SLC12A6: variants seen among roughly 807,000 people sequenced by gnomAD.
SLC12A6 encodes the protein K-Cl cotransporter 3.
A neutral mutation model predicts 135.3 loss-of-function variants in SLC12A6; 66 were observed. The ratio of observed to expected loss-of-function variants is 0.49; its 90% CI spans 0.40 to 0.60. The LOEUF (loss-of-function observed/expected upper bound fraction) is 0.60, where lower values mean the gene tolerates loss of function less well. SLC12A6 is among the 20% of genes least tolerant of loss of function. SLC12A6 has a pLI of 0.00. For missense variants in SLC12A6, 1,058 were observed against 1,452.3 expected, an observed-to-expected ratio of 0.73 and a Z score of 4.41; for synonymous variants, 513 against 508.8, an observed-to-expected ratio of 1.01 and a Z score of -0.11.
intron 2 of SLC12A6, among the ~76,000 whole-genome samples, chr15:34,332,950 A>G (rs559681615): frequency 6.6e-6 from 1 of 152,306 alleles, no homozygotes; most frequent in East Asian, 1.9e-4. Context: ...CCTGAACTTC[A>G]GTCTTGGCTT....
At chr15:34,308,442 T>C (rs889609160) in intron 2 of SLC12A6, among the ~76,000 whole-genome samples, 6 of 151,902 alleles carry the variant, frequency 3.9e-5, no homozygotes, top group African/African-American at 1.5e-4. Flanking sequence ...CTGGCCAACA[T>C]GGTGAAACCC....
At chr15:34,300,241 A>G (rs1324980421) in intron 2 of SLC12A6, among the ~76,000 whole-genome samples, 1 of 152,174 alleles carries the variant, frequency 6.6e-6, no homozygotes, top group African/African-American at 2.4e-5. Flanking sequence ...ACTTATGAAG[A>G]AGAATATTAG....
At chr15:34,240,008 G>T (rs528453822) in intron 19 of SLC12A6, among the ~76,000 whole-genome samples, 1 of 151,810 alleles carries the variant, frequency 6.6e-6, no homozygotes, top group South Asian at 2.1e-4. Flanking sequence ...GTGCAGGTTT[G>T]TTACATATGT....
chr15:34,256,097 G>C lies in SLC12A6; in HGVS notation c.745+132C>G. The stretch of plus-strand genomic sequence containing the variant: ...AGTAGTATTATGTCTACGTCCTATA[G>C]ACCATTACTCTGTTGTAGCACAGAA... On this transcript the variant is annotated intron_variant, in intron 7 of 25. Transcript: ENST00000354181. 2.8e-5 allele frequency: 20 copies of C among 718,194 alleles called. No homozygotes were observed. The South Asian group carries it at 2.9e-4, about 11-fold the overall frequency. 44.5% of individuals were successfully genotyped at this position (718,194 alleles called of 1,614,324 possible). A position where few individuals can be genotyped will look rare whatever the true frequency, so the allele number is the denominator to read the frequency against.
chr15:34,310,843 C>G (rs1450683186), intron 2 of SLC12A6, among the ~76,000 whole-genome samples: 1 of 148,816 alleles, frequency 6.7e-6, no homozygotes, highest in Non-Finnish European at 1.5e-5. Context: ...TGGTGTTGAA[C>G]TCCTGGGCTC....
At chr15:34,298,858 T>C (rs1309323392) in intron 2 of SLC12A6, among the ~76,000 whole-genome samples, 8 of 152,192 alleles carry the variant, frequency 5.3e-5, no homozygotes, top group African/African-American at 1.2e-4. Flanking sequence ...CTCATCCTTT[T>C]CAGCTTAGAC....
chr15:34,295,730 G>A (rs1296655011), intron 2 of SLC12A6, among the ~76,000 whole-genome samples: 1 of 152,160 alleles, frequency 6.6e-6, no homozygotes, highest in Non-Finnish European at 1.5e-5. Flanking sequence ...TGGGTGCGGT[G>A]GCTCACACCT....
At chr15:34,245,989 G>A (rs1053711173) in intron 13 of SLC12A6, 122 bp from the exon 14 acceptor site, 2 of 782,862 alleles carry the variant, frequency 2.6e-6, no homozygotes, top group Non-Finnish European at 4.4e-6. Flanking sequence ...CTAGAGTGCA[G>A]TGGTGTGATC....
chr15:34,275,694 A>G (rs949275884), intron 2 of SLC12A6, among the ~76,000 whole-genome samples: 1 of 152,194 alleles, frequency 6.6e-6, no homozygotes, highest in South Asian at 2.1e-4. Context: ...CACAATAGCC[A>G]AAAGGTTACC....
At chr15:34,300,563 G>C (rs1401860178) in intron 2 of SLC12A6, among the ~76,000 whole-genome samples, 2 of 152,086 alleles carry the variant, frequency 1.3e-5, no homozygotes, top group African/African-American at 4.8e-5. Context: ...TTGGGAGGCT[G>C]AGGCAAGAGG....
intron 2 of SLC12A6, among the ~76,000 whole-genome samples, chr15:34,296,298 T>C (rs1895875389): frequency 6.6e-6 from 1 of 151,996 alleles, no homozygotes; most frequent in East Asian, 1.9e-4. Context: ...AACTTACACA[T>C]AGTAACATTT....
intron 7 of SLC12A6, 25 bp from the exon 8 acceptor site, chr15:34,255,417 T>C (rs373662082): frequency 1.9e-5 from 30 of 1,565,884 alleles, no homozygotes; most frequent in Non-Finnish European, 2.4e-5. Context: ...AGAAGGTGAA[T>C]AGAAGAAAGA....
chr15:34,255,530 A>G, intron 7 of SLC12A6, 138 bp from the exon 8 acceptor site: 1 of 671,152 alleles, frequency 1.5e-6, no homozygotes, highest in Non-Finnish European at 2.6e-6. Flanking sequence ...TGTGATAAAA[A>G]GATGTGCTAG....
chr15:34,254,319 G>A (rs779395618), intron 9 of SLC12A6, 29 bp downstream of exon 9: 16 of 1,601,482 alleles, frequency 1.0e-5, no homozygotes, highest in Non-Finnish European at 1.4e-5. Context: ...ACCCAATAAG[G>A]ATGGCTAGGC....
At chr15:34,317,541 A>G (rs1888736554) in intron 2 of SLC12A6, among the ~76,000 whole-genome samples, 1 of 152,056 alleles carries the variant, frequency 6.6e-6, no homozygotes, top group Admixed American at 6.6e-5. Context: ...TGTCTCTACT[A>G]AAAATACAAA....
chr15:34,241,268 T>TCGAAG lies in SLC12A6; in HGVS notation c.2227_2231dup (p.Leu745PhefsTer21). On this transcript the variant is annotated frameshift_variant, in exon 18 of 26. Coordinates refer to ENST00000354181, the MANE Select transcript of SLC12A6 (RefSeq NM_001365088.1). LOFTEE classifies it high-confidence loss of function. ...TAGTGTGTGGAGGTCCTTCCTCCAATCGAAGCAAAGCAAACCGGGCTGCAC... is the reference window on the plus strand; with the variant it reads ...TAGTGTGTGGAGGTCCTTCCTCCAATCGAAGCGAAGCAAAGCAAACCGGGCTGCAC... 6.2e-7 allele frequency: 1 copy of TCGAAG among 1,609,602 alleles called. No homozygotes were observed. Among genetic ancestry groups the TCGAAG allele is most frequent in the African/African-American group, 1.3e-5 (1 of 74,932 alleles).
chr15:34,234,956 T>C (rs1009618927), intron 25 of SLC12A6, among the ~76,000 whole-genome samples: 1 of 152,242 alleles, frequency 6.6e-6, no homozygotes, highest in African/African-American at 2.4e-5. Context: ...GATGTCATGT[T>C]GCAAATACAC....
At chr15:34,332,397 G>A (rs190828894) in intron 2 of SLC12A6, among the ~76,000 whole-genome samples, 1 of 152,296 alleles carries the variant, frequency 6.6e-6, no homozygotes, top group Admixed American at 6.5e-5. Flanking sequence ...GAAACTATAT[G>A]TTACCTGTAT....
intron 13 of SLC12A6, among the ~76,000 whole-genome samples, chr15:34,247,359 T>C (rs1196286934): frequency 6.6e-6 from 1 of 151,404 alleles, no homozygotes; most frequent in East Asian, 1.9e-4. Context: ...CTACTAAAAA[T>C]ACAAAAAATT....
Sources: gnomAD v4.1 joint callset for allele counts (sites outside exome capture counted in the v4.1 genomes callset) on GRCh38, gnomAD v4.1.1 for gene constraint, MANE v1.5 for transcripts, NCBI Gene and HGNC (gene_info 2026-07-23, HGNC 2026-07-21) for gene names.